The following ZNF365 variants were observed in gnomAD, a reference collection of about 807,000 sequenced individuals.
The protein encoded by ZNF365 is zinc finger protein 365.
Under a neutral mutation model 35.0 loss-of-function variants are expected in ZNF365, and 22 were observed. That is an observed-to-expected ratio of 0.63 (90% CI 0.45 to 0.90). The LOEUF (loss-of-function observed/expected upper bound fraction) is 0.90. ZNF365 is among the 40% of genes least tolerant of loss of function. The pLI, the probability that ZNF365 is intolerant of heterozygous loss-of-function variation, is 0.00. For synonymous variants in ZNF365, 188 were observed against 196.2 expected (o/e 0.96, Z 0.35); for missense variants, 448 against 500.3 (o/e 0.90, Z 1.00).
At chr10:62,407,238 C>T (rs1480009498), downstream of ZNF365, among the ~76,000 whole-genome samples, 3 of 152,234 alleles carry the variant, frequency 2.0e-5, no homozygotes, top group Non-Finnish European at 2.9e-5. Context: ...AGCTTGCCCT[C>T]TGACCTGCTT....
chr10:62,479,439 G>C lies in ZNF365; in HGVS notation c.982-437G>C, dbSNP rs532937007. Among the ~76,000 whole-genome samples the C allele has an allele frequency of 3.3e-5, 5 of 152,314 alleles. No individual in the cohort carries two copies. The East Asian group carries it at 9.6e-4, about 29-fold the overall frequency. ...GACAAAGGTAGGAAGATAAAAAGTG[G>C]TGTGTACAAACTACTTTCTTAAATA... On this transcript the variant is annotated intron_variant, in intron 4 of 4. Transcript: ENST00000395255.
chr10:62,438,759 C>G lies in ZNF365; in HGVS notation c.925-20982C>G, dbSNP rs180909530. On this transcript the variant is annotated intron_variant, in intron 3 of 4. Coordinates refer to the ZNF365 transcript ENST00000395255. ...CTTGAATAGATTCTGGCAAAATCCT[C>G]ATAACTCAGCATTTCGGTGCCTTTG... is the stretch of plus-strand genomic sequence containing the variant. Among the ~76,000 whole-genome samples, 66 of 152,302 alleles carry G rather than the reference C, an allele frequency of 4.3e-4. 1 individual carries two copies. The highest frequency in any genetic ancestry group is 3.4e-3 in the Middle Eastern group (1 of 294).
intron 4 of ZNF365, among the ~76,000 whole-genome samples, chr10:62,476,079 C>G (rs1296793045): frequency 6.7e-6 from 1 of 148,412 alleles, no homozygotes; most frequent in Non-Finnish European, 1.5e-5. Context: ...TTTTCCTGTT[C>G]TATGTCTATT....
At chr10:62,455,505 T>C (rs1156902724) in intron 3 of ZNF365, among the ~76,000 whole-genome samples, 1 of 152,098 alleles carries the variant, frequency 6.6e-6, no homozygotes, top group Non-Finnish European at 1.5e-5. Context: ...TGAAAGCATC[T>C]ATAATCCCAT....
At chr10:62,417,166 A>C (rs188498020) in intron 3 of ZNF365, among the ~76,000 whole-genome samples, 29 of 152,202 alleles carry the variant, frequency 1.9e-4, no homozygotes, top group Admixed American at 1.5e-3. Context: ...CAACGACTTG[A>C]ATGTACTTGA....
intron 3 of ZNF365, among the ~76,000 whole-genome samples, chr10:62,437,720 T>G (rs575321643): frequency 6.6e-6 from 1 of 152,172 alleles, no homozygotes; most frequent in Admixed American, 6.5e-5. Flanking sequence ...TGGTAGCAAA[T>G]GCACTTTTCT....
At chr10:62,479,420 G>A (rs1009028034) in intron 4 of ZNF365, among the ~76,000 whole-genome samples, 2 of 152,136 alleles carry the variant, frequency 1.3e-5, no homozygotes, top group African/African-American at 4.8e-5. Flanking sequence ...AGCTGACAAA[G>A]GTAGGAAGAT....
intron 3 of ZNF365, among the ~76,000 whole-genome samples, chr10:62,429,328 C>T (rs900834948): frequency 1.3e-5 from 2 of 152,112 alleles, no homozygotes; most frequent in Non-Finnish European, 2.9e-5. Context: ...GGCACTTGGC[C>T]TTGAGGATCT....
chr10:62,462,452 G>C (rs1050450707), intron 4 of ZNF365, among the ~76,000 whole-genome samples: 40 of 152,182 alleles, frequency 2.6e-4, no homozygotes, highest in African/African-American at 9.4e-4. Flanking sequence ...TGTACTCCAA[G>C]GGAGGCTAGA....
chr10:62,456,610 A>C lies in ZNF365; in HGVS notation c.925-3131A>C, dbSNP rs141016294. 6.0e-4 allele frequency among the ~76,000 whole-genome samples: 92 copies of C among 152,352 alleles called. No homozygotes were observed. The Middle Eastern group carries it at 0.024, about 39-fold the overall frequency. ...AAACAAGATCAGAGGCAGAACTGGC[A>C]TTAGACCAGGCTAAATTGAGAGCTC... On this transcript the variant is annotated intron_variant, in intron 3 of 4. Transcript: ENST00000395255.
In ZNF365 at chr10:62,436,350, A is replaced by G. The variant is rs185054248; in HGVS notation, c.925-23391A>G. 3.6e-3 allele frequency among the ~76,000 whole-genome samples: 550 copies of G among 152,170 alleles called. 8 individuals carry two copies. The highest frequency in any genetic ancestry group is 5.5e-3 in the Non-Finnish European group (371 of 68,004). On this transcript the variant is annotated intron_variant, in intron 3 of 4. Coordinates refer to the ZNF365 transcript ENST00000395255. ...CTAGAACCCTTAATTAAACTAAGTG[A>G]TTATTTTGGGGAAGTTAAAAGAGGG...
intron 2 of ZNF365, among the ~76,000 whole-genome samples, chr10:62,384,317 A>G (rs1284619253): frequency 3.3e-5 from 5 of 152,160 alleles, no homozygotes; most frequent in African/African-American, 1.2e-4. Context: ...CAAGTCTTCT[A>G]CTGTTCTGTC....
At position 62,400,342 on chromosome 10, in the gene ZNF365, G is replaced by A; in HGVS notation, c.*553G>A. 13 of 986,474 alleles carry A rather than the reference G, an allele frequency of 1.3e-5. No individual in the cohort carries two copies. Among genetic ancestry groups the A allele is most frequent in the Non-Finnish European group, 1.6e-5 (13 of 830,314 alleles). 61.1% of individuals were successfully genotyped at this position (986,474 alleles called of 1,614,324 possible). Reference sequence around the variant, plus strand: ...GGTTAATCAAGATTTCAATTTCTGGGTTGCTCAAGGGACTCGTTCAGTCAG... The same window carrying A: ...GGTTAATCAAGATTTCAATTTCTGGATTGCTCAAGGGACTCGTTCAGTCAG... On this transcript the variant is annotated 3_prime_UTR_variant, in exon 5 of 5. Transcript: ENST00000395254.
At chr10:62,436,876 T>G (rs1332796085) in intron 3 of ZNF365, among the ~76,000 whole-genome samples, 1 of 152,188 alleles carries the variant, frequency 6.6e-6, no homozygotes, top group African/African-American at 2.4e-5. Context: ...GAGGGTTAAA[T>G]GCCTAGCTCA....
At chr10:62,473,972 TC>T (rs1841087200) in intron 4 of ZNF365, among the ~76,000 whole-genome samples, 2 of 152,116 alleles carry the variant, frequency 1.3e-5, no homozygotes, top group South Asian at 4.1e-4. Flanking sequence ...TCCTCAGTCT[TC>T]TCTCCTCAGG....
At chr10:62,434,501 T>C (rs1024497288) in intron 3 of ZNF365, among the ~76,000 whole-genome samples, 1 of 152,146 alleles carries the variant, frequency 6.6e-6, no homozygotes, top group African/African-American at 2.4e-5. Flanking sequence ...CATCCTAGAA[T>C]GAAGAGCCTT....
chr10:62,375,683 G>C (rs1839310949), intron 1 of ZNF365: 1 of 162,832 alleles, frequency 6.1e-6, no homozygotes, highest in African/African-American at 2.4e-5. Flanking sequence ...ATCTCGGATT[G>C]TATCCTTAAA....
At chr10:62,458,021 T>C (rs1171737073) in intron 3 of ZNF365, among the ~76,000 whole-genome samples, 1 of 152,200 alleles carries the variant, frequency 6.6e-6, no homozygotes, top group African/African-American at 2.4e-5. Context: ...GATCAGATCT[T>C]GGGGAGGGGA....
intron 3 of ZNF365, among the ~76,000 whole-genome samples, chr10:62,414,596 T>C (rs764105707): frequency 6.6e-5 from 10 of 152,132 alleles, no homozygotes; most frequent in Admixed American, 1.3e-4. Context: ...AGGTAATGCA[T>C]CTTCTTTTTT....
Sources: gnomAD v4.1 joint callset for allele counts (sites outside exome capture counted in the v4.1 genomes callset) on GRCh38, gnomAD v4.1.1 for gene constraint, MANE v1.5 for transcripts, NCBI Gene and HGNC (gene_info 2026-07-23, HGNC 2026-07-21) for gene names.